TYW1: variants seen among roughly 807,000 people sequenced by gnomAD.
TYW1 encodes the protein tRNA-yW synthesizing protein 1 homolog.
A neutral mutation model predicts 96.2 loss-of-function variants in TYW1; 46 were observed. The ratio of observed to expected loss-of-function variants is 0.48; its 90% CI spans 0.38 to 0.61. The LOEUF is 0.61. Ranked by LOEUF, TYW1 falls within the 20% of genes least tolerant of loss-of-function variation. TYW1 has a pLI of 0.00. For missense variants in TYW1, 684 were observed against 909.6 expected, an observed-to-expected ratio of 0.75 and a Z score of 3.19; for synonymous variants, 274 against 323.0, an observed-to-expected ratio of 0.85 and a Z score of 1.63.
intron 8 of TYW1, among the ~76,000 whole-genome samples, chr7:67,055,009 T>C (rs1795463976): frequency 1.3e-5 from 2 of 152,208 alleles, no homozygotes; most frequent in South Asian, 2.1e-4. Flanking sequence ...TAATCTCCCA[T>C]TGACATCTGG....
chr7:67,045,726 G>C (rs1309009228), intron 7 of TYW1, among the ~76,000 whole-genome samples: 1 of 152,194 alleles, frequency 6.6e-6, no homozygotes, highest in East Asian at 1.9e-4. Context: ...GAGGACATGA[G>C]TTTTCTTTCA....
intron 14 of TYW1, among the ~76,000 whole-genome samples, chr7:67,184,414 T>A (rs948559117): frequency 6.6e-6 from 1 of 152,036 alleles, no homozygotes; most frequent in South Asian, 2.1e-4. Context: ...AATATTTCAC[T>A]GGTGGTCTTG....
intron 12 of TYW1, among the ~76,000 whole-genome samples, chr7:67,099,271 A>T (rs1797015621): frequency 6.6e-6 from 1 of 152,068 alleles, no homozygotes; most frequent in African/African-American, 2.4e-5. Flanking sequence ...ACCTCAAGTG[A>T]TCCTCCTGCC....
chr7:67,014,119 A>T (rs1793923197), intron 4 of TYW1, among the ~76,000 whole-genome samples: 1 of 152,168 alleles, frequency 6.6e-6, no homozygotes, highest in Non-Finnish European at 1.5e-5. Flanking sequence ...TAGTCTGGAT[A>T]ACGGAATGGC....
At chr7:67,067,901 G>T (rs1007441881) in intron 10 of TYW1, among the ~76,000 whole-genome samples, 9 of 152,120 alleles carry the variant, frequency 5.9e-5, no homozygotes, top group African/African-American at 2.2e-4. Flanking sequence ...ATTGTATGCA[G>T]AATTGAGTCT....
Position 67,238,999 on chromosome 7 carries a change from C to G in TYW1, c.*470C>G. ...GCTTTCTAAGATAAGAGCTTGATCC[C>G]TTTCTTCTATCTTAAGACAGCACCT... On this transcript the variant is annotated 3_prime_UTR_variant, in exon 16 of 16. Coordinates refer to ENST00000359626, the MANE Select transcript of TYW1 (RefSeq NM_018264.4). 1 of 992,696 alleles carries G rather than the reference C, an allele frequency of 1.0e-6. No homozygotes were observed. The highest frequency in any genetic ancestry group is 1.2e-6 in the Non-Finnish European group (1 of 833,630). 61.5% of individuals were successfully genotyped at this position (992,696 alleles called of 1,614,324 possible).
At chr7:67,160,157 G>C (rs546356605) in intron 13 of TYW1, among the ~76,000 whole-genome samples, 10 of 152,242 alleles carry the variant, frequency 6.6e-5, no homozygotes, top group Admixed American at 1.3e-4. Flanking sequence ...GTCTTACCGG[G>C]AGGCTGAGGT....
intron 7 of TYW1, among the ~76,000 whole-genome samples, chr7:67,045,924 A>G (rs79000090): frequency 4.6e-5 from 7 of 152,214 alleles, no homozygotes; most frequent in African/African-American, 9.6e-5. Context: ...TTACTGGGCA[A>G]TGGGCTCACT....
intron 13 of TYW1, among the ~76,000 whole-genome samples, chr7:67,137,385 G>A (rs1204673116): frequency 6.6e-6 from 1 of 152,028 alleles, no homozygotes; most frequent in African/African-American, 2.4e-5. Context: ...GGAGGCCGAG[G>A]TGGGAGGAAC....
chr7:67,210,183 A>G (rs1391244646), intron 15 of TYW1, among the ~76,000 whole-genome samples: 1 of 152,024 alleles, frequency 6.6e-6, no homozygotes, highest in East Asian at 1.9e-4. Flanking sequence ...CTTATTTTTG[A>G]TGACCTTGAT....
At chr7:67,100,578 G>A (rs928894411) in intron 12 of TYW1, among the ~76,000 whole-genome samples, 1 of 152,094 alleles carries the variant, frequency 6.6e-6, no homozygotes, top group African/African-American at 2.4e-5. Flanking sequence ...AGGGCGTGGT[G>A]ACTCACGCCT....
At chr7:67,202,785 T>TA (rs1220158993) in intron 15 of TYW1, among the ~76,000 whole-genome samples, 3 of 152,332 alleles carry the variant, frequency 2.0e-5, no homozygotes, top group African/African-American at 7.2e-5. Context: ...TTCCTATTCT[T>TA]ACACCAAGAC....
At chr7:67,097,463 G>A (rs1334180076) in intron 11 of TYW1, among the ~76,000 whole-genome samples, 1 of 151,930 alleles carries the variant, frequency 6.6e-6, no homozygotes, top group East Asian at 1.9e-4. Context: ...CGGTGGCACT[G>A]TCTCCTCTCA....
chr7:67,131,894 G>C (rs1204179982), intron 13 of TYW1, among the ~76,000 whole-genome samples: 3 of 152,204 alleles, frequency 2.0e-5, no homozygotes, highest in Non-Finnish European at 4.4e-5. Context: ...ACGGGAGAAA[G>C]ATGAAGGCCA....
intron 4 of TYW1, among the ~76,000 whole-genome samples, chr7:67,013,453 A>G (rs1793887880): frequency 6.6e-6 from 1 of 152,080 alleles, no homozygotes; most frequent in African/African-American, 2.4e-5. Flanking sequence ...GGATATTCAC[A>G]GCTTCCTGCC....
chr7:67,219,080 A>G (rs1173590486), intron 15 of TYW1, among the ~76,000 whole-genome samples: 5 of 152,198 alleles, frequency 3.3e-5, no homozygotes, highest in African/African-American at 7.2e-5. Context: ...GTTTCCAGCT[A>G]TTCCTTCTTT....
intron 7 of TYW1, among the ~76,000 whole-genome samples, chr7:67,032,930 T>C (rs1477422287): frequency 8.1e-6 from 1 of 123,054 alleles, no homozygotes; most frequent in Non-Finnish European, 1.6e-5. Flanking sequence ...AGAATCTCGC[T>C]GTCTCATCCA....
chr7:67,023,412 G>T (rs1794345322), intron 6 of TYW1, among the ~76,000 whole-genome samples: 1 of 152,022 alleles, frequency 6.6e-6, no homozygotes, highest in Non-Finnish European at 1.5e-5. Context: ...CTTTTAAAGT[G>T]ACCCTTGAGT....
intron 1 of TYW1, among the ~76,000 whole-genome samples, chr7:66,997,261 C>T (rs921191236): frequency 6.6e-6 from 1 of 151,932 alleles, no homozygotes; most frequent in Non-Finnish European, 1.5e-5. Flanking sequence ...TTTCAGGCCT[C>T]GACTTTTGAA....
Sources: allele counts gnomAD v4.1 joint callset (sites outside exome capture counted in the v4.1 genomes callset), GRCh38; gene constraint gnomAD v4.1.1; transcripts MANE v1.5; gene names NCBI Gene and HGNC (gene_info 2026-07-23, HGNC 2026-07-21).